The following ANKRD12 variants were observed in gnomAD, a reference collection of about 807,000 sequenced individuals.
The protein encoded by ANKRD12 is ankyrin repeat domain 12.
In ANKRD12, 85 loss-of-function variants were observed where a neutral mutation model predicts 183.4. The observed-to-expected ratio is 0.46, with a 90% CI of 0.39 to 0.56. ANKRD12 has a LOEUF of 0.56. ANKRD12 is among the 20% of genes least tolerant of loss of function. The probability of loss-of-function intolerance (pLI) is 0.00; values close to 1 mark genes in which losing one functional copy is unlikely to be tolerated. For missense variants in ANKRD12, 2,405 were observed against 2,357.1 expected (o/e 1.02, Z -0.42); for synonymous variants, 914 against 800.2 (o/e 1.14, Z -2.40).
At chr18:9,263,484 C>T (rs1039225818) in intron 9 of ANKRD12, among the ~76,000 whole-genome samples, 22 of 152,258 alleles carry the variant, frequency 1.4e-4, no homozygotes, top group Middle Eastern at 6.8e-3. Context: ...TGTGACTCCT[C>T]CTTCCCTCCT....
chr18:9,248,707 A>T (rs2038109071), intron 8 of ANKRD12, among the ~76,000 whole-genome samples: 1 of 152,162 alleles, frequency 6.6e-6, no homozygotes. Flanking sequence ...CAGCTGAGAA[A>T]ACCAGGAGCT....
chr18:9,189,561 C>T (rs190918441), intron 2 of ANKRD12, among the ~76,000 whole-genome samples: 4 of 152,338 alleles, frequency 2.6e-5, no homozygotes, highest in Non-Finnish European at 5.9e-5. Flanking sequence ...CTTCAGAGGA[C>T]AGGCTCACTG....
intron 2 of ANKRD12, among the ~76,000 whole-genome samples, chr18:9,185,399 A>G (rs892969510): frequency 1.3e-5 from 2 of 152,224 alleles, no homozygotes; most frequent in Non-Finnish European, 2.9e-5. Context: ...GTGTGTGAAG[A>G]AAAAATAGTC....
intron 1 of ANKRD12, among the ~76,000 whole-genome samples, chr18:9,163,937 A>G (rs991007168): frequency 6.6e-6 from 1 of 152,260 alleles, no homozygotes; most frequent in East Asian, 1.9e-4. Flanking sequence ...GGCCGAGACA[A>G]TGTGATTTTC....
At chr18:9,272,290 T>G (rs1161691631) in intron 10 of ANKRD12, among the ~76,000 whole-genome samples, 1 of 152,184 alleles carries the variant, frequency 6.6e-6, no homozygotes, top group Non-Finnish European at 1.5e-5. Context: ...TGGCCGGGCA[T>G]GGTGGCTCAC....
intron 10 of ANKRD12, among the ~76,000 whole-genome samples, chr18:9,266,635 A>T (rs2039305702): frequency 6.6e-6 from 1 of 152,234 alleles, no homozygotes; most frequent in South Asian, 2.1e-4. Flanking sequence ...ATAGAAAGGA[A>T]CAACCGGTAC....
chr18:9,240,760 A>G (rs1567954142), intron 8 of ANKRD12, among the ~76,000 whole-genome samples: 1 of 152,184 alleles, frequency 6.6e-6, no homozygotes, highest in Non-Finnish European at 1.5e-5. Context: ...TAGGCAAGCT[A>G]CTTCTAGAGC....
At chr18:9,139,851 A>G (rs1052755555) in intron 1 of ANKRD12, among the ~76,000 whole-genome samples, 2 of 152,180 alleles carry the variant, frequency 1.3e-5, no homozygotes, top group African/African-American at 4.8e-5. Context: ...CACATGAGAA[A>G]ATAAGGTGAA....
chr18:9,250,233 G>A (rs996290850), intron 8 of ANKRD12: 4 of 152,152 alleles, frequency 2.6e-5, no homozygotes, highest in Non-Finnish European at 4.4e-5. Flanking sequence ...GGTAATAGTG[G>A]AGATGATGGT....
chr18:9,169,114 T>A (rs932578747), intron 1 of ANKRD12, among the ~76,000 whole-genome samples: 2 of 152,142 alleles, frequency 1.3e-5, no homozygotes, highest in Non-Finnish European at 2.9e-5. Flanking sequence ...TTCTTTTACA[T>A]TTGCTGAGGA....
chr18:9,280,601 C>T (rs532977893), intron 12 of ANKRD12, among the ~76,000 whole-genome samples: 18 of 152,162 alleles, frequency 1.2e-4, no homozygotes, highest in Non-Finnish European at 1.5e-4. Context: ...CCAGCCCGGC[C>T]GACATGGTGA....
chr18:9,179,922 C>A (rs1392687904), intron 1 of ANKRD12, among the ~76,000 whole-genome samples: 1 of 152,198 alleles, frequency 6.6e-6, no homozygotes, highest in Non-Finnish European at 1.5e-5. Context: ...GGGGAGTATT[C>A]TGTGTGCTCT....
Position 9,282,857 on chromosome 18 carries a change from T to C in ANKRD12, c.*1731T>C, listed in dbSNP as rs2040152568. The C allele has an allele frequency of 6.6e-6, 1 of 150,524 alleles. No individual in the cohort carries two copies. 9.3% of individuals were successfully genotyped at this position (150,524 alleles called of 1,614,324 possible). On this transcript the variant is annotated 3_prime_UTR_variant, in exon 13 of 13. Coordinates refer to ENST00000262126, the MANE Select transcript of ANKRD12 (RefSeq NM_015208.5). ...GGCATGCGCAATAAAGCAGCACATG[T>C]AAAAAAAAAATACACAGTGCAAGGA...
chr18:9,272,923 G>A (rs2039674955), intron 10 of ANKRD12, among the ~76,000 whole-genome samples: 1 of 151,962 alleles, frequency 6.6e-6, no homozygotes, highest in Admixed American at 6.6e-5. Context: ...GAAGACCAAA[G>A]TTCCTGGGAG....
intron 1 of ANKRD12, among the ~76,000 whole-genome samples, chr18:9,151,405 C>A (rs1363343750): frequency 6.6e-6 from 1 of 152,094 alleles, no homozygotes; most frequent in Non-Finnish European, 1.5e-5. Context: ...TCATTCTAAA[C>A]CTCTTATTTA....
chr18:9,188,177 G>A (rs562417900), intron 2 of ANKRD12, among the ~76,000 whole-genome samples: 10 of 152,326 alleles, frequency 6.6e-5, no homozygotes, highest in African/African-American at 2.2e-4. Flanking sequence ...GTTTGTGCCT[G>A]TTCCCTGAGC....
At chr18:9,226,146 G>T (rs528425395) in intron 8 of ANKRD12, among the ~76,000 whole-genome samples, 17 of 152,084 alleles carry the variant, frequency 1.1e-4, no homozygotes, top group African/African-American at 4.1e-4. Flanking sequence ...TTCCAAGGCC[G>T]GGCACGGTGG....
At position 9,258,200 on chromosome 18, in the gene ANKRD12, T is replaced by C. The variant is rs747780359; in HGVS notation, c.4933T>C (p.Leu1645=). Reference sequence around the variant, plus strand: ...ACTGGAGAGTTTGGTTTTAACTCATTTGAGTAGGTGTGATTCTGATTTATG... The same window carrying C: ...ACTGGAGAGTTTGGTTTTAACTCATCTGAGTAGGTGTGATTCTGATTTATG... ...NKLESLVLTH[L]SRCDSDLCEM... Residue 1645 remains leucine (L), a synonymous_variant, in exon 9 of 13, where the codon TTG becomes CTG. Transcript: ENST00000262126. The C allele has an allele frequency of 6.2e-7, 1 of 1,613,812 alleles. No individual in the cohort carries two copies. The highest frequency in any genetic ancestry group is 8.5e-7 in the Non-Finnish European group (1 of 1,179,930).
At chr18:9,280,844 T>G in intron 12 of ANKRD12, 97 bp from the exon 13 acceptor site, 1 of 1,068,102 alleles carries the variant, frequency 9.4e-7, no homozygotes, top group Non-Finnish European at 1.4e-6. Flanking sequence ...GCTCCTGATG[T>G]GTCCATTTTA....
Sources: allele counts gnomAD v4.1 joint callset (sites outside exome capture counted in the v4.1 genomes callset), GRCh38; gene constraint gnomAD v4.1.1; transcripts MANE v1.5; gene names NCBI Gene and HGNC (gene_info 2026-07-23, HGNC 2026-07-21).